The following MAN1C1 variants were observed in gnomAD, a reference collection of about 807,000 sequenced individuals.
MAN1C1 encodes the protein mannosidase alpha class 1C member 1, also known as mannosyl-oligosaccharide 1,2-alpha-mannosidase IC.
In MAN1C1, 49 loss-of-function variants were observed where a neutral mutation model predicts 71.5. The ratio of observed to expected loss-of-function variants is 0.69; its 90% confidence interval spans 0.54 to 0.87. The LOEUF is 0.87. Ranked by LOEUF, MAN1C1 falls within the 40% of genes least tolerant of loss-of-function variation. MAN1C1 has a pLI of 0.00. For missense variants in MAN1C1, 743 were observed against 835.0 expected, an observed-to-expected ratio of 0.89 and a Z score of 1.36; for synonymous variants, 352 against 343.7, an observed-to-expected ratio of 1.02 and a Z score of -0.27.
chr1:25,780,991 T>G lies in MAN1C1; in HGVS notation c.1529T>G (p.Val510Gly), dbSNP rs2047685701. The G allele has an allele frequency of 6.2e-7, 1 of 1,614,046 alleles. No homozygotes were observed. Among genetic ancestry groups the G allele is most frequent in the Non-Finnish European group, 8.5e-7 (1 of 1,180,030 alleles). The change falls in exon 10 of 12, where the codon GTG (valine) becomes GGG (glycine). Residue 510 changes from valine (V) to glycine (G), a missense_variant. Physicochemically the swap from Val to Gly is moderately radical, Grantham distance 109 (BLOSUM62 -3). Coordinates refer to ENST00000374332, the MANE Select transcript of MAN1C1 (RefSeq NM_020379.4). Reference protein sequence around the residue: ...AFWFNSGREAVATQLSESYYI... With the variant: ...AFWFNSGREAGATQLSESYYI... ...TGGTTTAACTCCGGCAGAGAGGCCGTGGCCACCCAGCTGAGCGAGAGCTAC... is the reference window on the plus strand; with the variant it reads ...TGGTTTAACTCCGGCAGAGAGGCCGGGGCCACCCAGCTGAGCGAGAGCTAC...
intron 1 of MAN1C1, among the ~76,000 whole-genome samples, chr1:25,630,402 ATTAATT>A (rs1343279551): frequency 3.9e-5 from 6 of 152,104 alleles, no homozygotes; most frequent in Non-Finnish European, 8.8e-5. Flanking sequence ...AAAATTTCAT[ATTAATT>A]TTAGGATTAT....
At chr1:25,676,179 T>C (rs2046065250) in intron 1 of MAN1C1, among the ~76,000 whole-genome samples, 1 of 152,188 alleles carries the variant, frequency 6.6e-6, no homozygotes. Flanking sequence ...CTGAGACTGC[T>C]CAAACCTGAA....
intron 2 of MAN1C1, among the ~76,000 whole-genome samples, chr1:25,718,617 C>T (rs992930430): frequency 6.6e-6 from 1 of 152,164 alleles, no homozygotes; most frequent in African/African-American, 2.4e-5. Flanking sequence ...CCCAGGCAGC[C>T]AGTAATCCTC....
chr1:25,652,880 A>T (rs2045713635), intron 1 of MAN1C1, among the ~76,000 whole-genome samples: 1 of 150,188 alleles, frequency 6.7e-6, no homozygotes, highest in Non-Finnish European at 1.5e-5. Context: ...CTCAGCCTTC[A>T]AAGTAGCTGG....
rs1275019960 is a variant in MAN1C1, at chr1:25,779,032, G to T, written c.1477+708G>T. 6.6e-6 allele frequency among the ~76,000 whole-genome samples: 1 copy of T among 152,158 alleles called. No homozygotes were observed. The highest frequency in any genetic ancestry group is 1.5e-5 in the Non-Finnish European group (1 of 68,018). ...TGGGCTGGAACCCAGGCCTTCTGATGCCTGGTTCCACCCCGTGCGCAAACT... is the reference window on the plus strand; with the variant it reads ...TGGGCTGGAACCCAGGCCTTCTGATTCCTGGTTCCACCCCGTGCGCAAACT... On this transcript the variant is annotated intron_variant, in intron 9 of 11. Transcript: ENST00000374332. The surrounding 1 kb of genome is among the most constrained non-coding windows in gnomAD (Gnocchi z 4.6).
At chr1:25,630,947 TTTTGTTTG>T (rs75709016) in intron 1 of MAN1C1, among the ~76,000 whole-genome samples, 55 of 151,484 alleles carry the variant, frequency 3.6e-4, no homozygotes, top group African/African-American at 9.9e-4. Flanking sequence ...AGTACTATGT[TTTTGTTTG>T]TTTGTTTGTT....
At chr1:25,744,232 C>T (rs1246294484) in intron 2 of MAN1C1, among the ~76,000 whole-genome samples, 1 of 152,182 alleles carries the variant, frequency 6.6e-6, no homozygotes, top group Non-Finnish European at 1.5e-5. Flanking sequence ...TCCTCAGTGC[C>T]TCCCTGCTTG....
intron 9 of MAN1C1, chr1:25,780,734 C>G: frequency 1.8e-6 from 1 of 566,728 alleles, no homozygotes; most frequent in East Asian, 2.9e-5. Context: ...CCCCGAGGGT[C>G]TTGTTCTGTC....
intron 6 of MAN1C1, chr1:25,759,279 G>A (rs762527124): frequency 1.9e-5 from 3 of 158,184 alleles, no homozygotes; most frequent in Non-Finnish European, 2.8e-5. Context: ...GCTCATACCT[G>A]GCCTTGGGCA....
intron 1 of MAN1C1, chr1:25,645,461 GC>G (rs1557746781): frequency 1.3e-5 from 2 of 152,198 alleles, no homozygotes; most frequent in Non-Finnish European, 2.9e-5. Flanking sequence ...CTCTGGCCTG[GC>G]CACACACTGA....
intron 1 of MAN1C1, among the ~76,000 whole-genome samples, chr1:25,624,607 C>T (rs533821992): frequency 2.3e-4 from 35 of 152,240 alleles, no homozygotes; most frequent in Admixed American, 5.2e-4. Flanking sequence ...GATTAGTGCC[C>T]GCCTTGATAG....
chr1:25,711,546 G>A lies in MAN1C1; in HGVS notation c.637+25010G>A, dbSNP rs1017959264. ...CCCTGTTGGTGCTGAGCTCAGCTCC[G>A]TTTGATCAAAAGGACAGAACTAAAG... On this transcript the variant is annotated intron_variant, in intron 2 of 11. Transcript: ENST00000374332. The surrounding 1 kb of genome is among the most constrained non-coding windows in gnomAD (Gnocchi z 4.3). Among the ~76,000 whole-genome samples the A allele has an allele frequency of 2.0e-5, 3 of 152,180 alleles. No homozygotes were observed. The highest frequency in any genetic ancestry group is 7.2e-5 in the African/African-American group (3 of 41,438).
intron 2 of MAN1C1, among the ~76,000 whole-genome samples, chr1:25,715,770 C>T (rs1309290199): frequency 6.6e-6 from 1 of 152,210 alleles, no homozygotes; most frequent in Non-Finnish European, 1.5e-5. Flanking sequence ...GATGCTAGCA[C>T]TTCACATCTT....
rs1019294186 is a variant in MAN1C1, at chr1:25,637,687, C to T, written c.540+19350C>T. ...AATTATGGATTTGTTCCATGATTCC[C>T]TTTCATTCTGTCAGGTTTTGCTTCG... On this transcript the variant is annotated intron_variant, in intron 1 of 11. Coordinates refer to ENST00000374332, the MANE Select transcript of MAN1C1 (RefSeq NM_020379.4). 2.4e-4 allele frequency among the ~76,000 whole-genome samples: 37 copies of T among 151,872 alleles called. 1 individual carries two copies. The highest frequency in any genetic ancestry group is 8.4e-4 in the African/African-American group (35 of 41,442).
At chr1:25,630,204 G>A (rs932353326) in intron 1 of MAN1C1, among the ~76,000 whole-genome samples, 3 of 152,116 alleles carry the variant, frequency 2.0e-5, no homozygotes, top group Non-Finnish European at 4.4e-5. Flanking sequence ...AGATCCGTTG[G>A]TTGTAAATAT....
intron 1 of MAN1C1, among the ~76,000 whole-genome samples, chr1:25,656,259 C>A (rs916052150): frequency 5.3e-5 from 8 of 151,298 alleles, no homozygotes; most frequent in African/African-American, 1.9e-4. Context: ...CACCATGCCC[C>A]GCTAATTTTT....
In MAN1C1 at chr1:25,783,834, G is replaced by A; in HGVS notation, c.*45G>A. ...CCTGGGGCCGCCGCAGGGATGCCTT[G>A]CCTTTTCAGGATTTGAGACTGTTCT... On this transcript the variant is annotated 3_prime_UTR_variant, in exon 12 of 12. Coordinates refer to ENST00000374332, the MANE Select transcript of MAN1C1 (RefSeq NM_020379.4). 6.3e-7 allele frequency: 1 copy of A among 1,594,164 alleles called. No individual in the cohort carries two copies. The highest frequency in any genetic ancestry group is 8.5e-7 in the Non-Finnish European group (1 of 1,174,450).
intron 1 of MAN1C1, among the ~76,000 whole-genome samples, chr1:25,659,738 G>T (rs141047080): frequency 1.1e-3 from 166 of 152,246 alleles, no homozygotes; most frequent in African/African-American, 3.9e-3. Flanking sequence ...AGAGCCAGTT[G>T]TTAAATTTTC....
Position 25,764,068 on chromosome 1 carries a change from C to A in MAN1C1, c.1141+101C>A. The A allele has an allele frequency of 2.2e-6, 2 of 924,790 alleles. No individual in the cohort carries two copies. Among genetic ancestry groups the A allele is most frequent in the South Asian group, 1.4e-5 (1 of 70,272 alleles). 57.3% of individuals were successfully genotyped at this position (924,790 alleles called of 1,614,324 possible). A position where few individuals can be genotyped will look rare whatever the true frequency, so the allele number is the denominator to read the frequency against. ...CTGGGCTGAGTGAGGATGTGTCTGTCAGAGCCATGCAGCCAGCAAGGCATT... is the reference window on the plus strand; with the variant it reads ...CTGGGCTGAGTGAGGATGTGTCTGTAAGAGCCATGCAGCCAGCAAGGCATT... On this transcript the variant is annotated intron_variant, in intron 7 of 11. Coordinates refer to ENST00000374332, the MANE Select transcript of MAN1C1 (RefSeq NM_020379.4). This position sits in a 1 kb window ranked among gnomAD's most constrained non-coding sequence, Gnocchi z 4.4.
Sources: gnomAD v4.1 joint callset for allele counts (sites outside exome capture counted in the v4.1 genomes callset) on GRCh38, gnomAD v4.1.1 for gene constraint, Gnocchi (gnomAD v3.1) non-coding constraint, MANE v1.5 for transcripts, NCBI Gene and HGNC (gene_info 2026-07-23, HGNC 2026-07-21) for gene names.